The following PRKCH variants were observed in gnomAD, a reference collection of about 807,000 sequenced individuals.
The protein encoded by PRKCH is protein kinase C eta.
PRKCH carries 28 observed loss-of-function variants against 82.5 expected under a neutral mutation model. That is an observed-to-expected ratio of 0.34 (90% CI 0.25 to 0.47). The LOEUF is 0.47. PRKCH is among the 20% of genes least tolerant of loss of function. The pLI, the probability that PRKCH is intolerant of heterozygous loss-of-function variation, is 1.00. For synonymous variants in PRKCH, 322 were observed against 327.4 expected (o/e 0.98, Z 0.18); for missense variants, 705 against 881.8 (o/e 0.80, Z 2.54).
chr14:61,301,582 C>T (rs1251456778), intron 1 of PRKCH, among the ~76,000 whole-genome samples: 1 of 152,208 alleles, frequency 6.6e-6, no homozygotes, highest in African/African-American at 2.4e-5. Flanking sequence ...AGGCTCATGC[C>T]TATAATCCCA....
At chr14:61,245,033 G>A (rs1423979244) in intron 1 of PRKCH, among the ~76,000 whole-genome samples, 1 of 152,188 alleles carries the variant, frequency 6.6e-6, no homozygotes, top group Non-Finnish European at 1.5e-5. Flanking sequence ...CTTAACCCTT[G>A]AAGACTGTTA....
At chr14:61,535,279 C>T (rs1427045820) in intron 12 of PRKCH, among the ~76,000 whole-genome samples, 1 of 151,844 alleles carries the variant, frequency 6.6e-6, no homozygotes, top group Non-Finnish European at 1.5e-5. Context: ...AATTTACAGT[C>T]CAGTTGGGGT....
rs1566893484 is a variant in PRKCH, at chr14:61,457,265, T to C, written c.1050T>C (p.Leu350=). 2 of 1,614,154 alleles carry C rather than the reference T, an allele frequency of 1.2e-6. No homozygotes were observed. The highest frequency in any genetic ancestry group is 8.5e-7 in the Non-Finnish European group (1 of 1,180,022). ...NGIGVNSSNR[L]GIDNFEFIRV... is the part of the protein sequence containing the mutation. ...TTGGGGTTAATTCTTCCAACCGACT[T>C]GGTATCGACAACTTTGAGTTCATCC... Residue 350 remains leucine, a synonymous_variant, in exon 8 of 14, where the codon CTT becomes CTC. Transcript: ENST00000332981.
chr14:61,310,759 C>T (rs1227291218), intron 1 of PRKCH, among the ~76,000 whole-genome samples: 2 of 152,276 alleles, frequency 1.3e-5, no homozygotes, highest in Non-Finnish European at 1.5e-5. Flanking sequence ...TTGCAGTGCC[C>T]TAGCAGAGGT....
intron 1 of PRKCH, among the ~76,000 whole-genome samples, chr14:61,258,813 C>T (rs1035431985): frequency 6.6e-6 from 1 of 152,186 alleles, no homozygotes; most frequent in African/African-American, 2.4e-5. Flanking sequence ...CTCCATGCCA[C>T]TCTGTTATTT....
At chr14:61,387,990 T>C (rs1261612546) in intron 1 of PRKCH, among the ~76,000 whole-genome samples, 1 of 151,846 alleles carries the variant, frequency 6.6e-6, no homozygotes, top group East Asian at 1.9e-4. Context: ...TCTACTAAAA[T>C]TACAAAAATC....
At chr14:61,521,571 T>G (rs1008470715) in intron 10 of PRKCH, among the ~76,000 whole-genome samples, 4 of 148,186 alleles carry the variant, frequency 2.7e-5, no homozygotes, top group African/African-American at 1.0e-4. Context: ...TTTATTTTAT[T>G]AATTTTTTTT....
intron 1 of PRKCH, among the ~76,000 whole-genome samples, chr14:61,204,317 A>G (rs1336746232): frequency 6.6e-6 from 1 of 152,226 alleles, no homozygotes; most frequent in Non-Finnish European, 1.5e-5. Flanking sequence ...GGTAAATTCC[A>G]TTATTTTGCA....
At chr14:61,194,117 A>G (rs1350391659) in intron 1 of PRKCH, among the ~76,000 whole-genome samples, 2 of 151,586 alleles carry the variant, frequency 1.3e-5, no homozygotes, top group Non-Finnish European at 2.9e-5. Flanking sequence ...TCCATTTCCT[A>G]CTCTCTATTT....
rs963371922 is a variant in PRKCH at position 61,430,144 on chromosome 14, A to T, written c.428-12967A>T. Reference sequence around the variant, plus strand: ...ATGAAAAGACAAACAGCCCAATTTTAAAAAAATGAGCAAAAGATTTGAACA... The same window carrying T: ...ATGAAAAGACAAACAGCCCAATTTTTAAAAAATGAGCAAAAGATTTGAACA... On this transcript the variant is annotated intron_variant, in intron 2 of 13. Coordinates refer to ENST00000332981, the MANE Select transcript of PRKCH (RefSeq NM_006255.5). Among the ~76,000 whole-genome samples the T allele has an allele frequency of 7.3e-5, 11 of 151,336 alleles. No individual in the cohort carries two copies. In the South Asian group the frequency reaches 1.5e-3, roughly 20 times the overall value.
intron 1 of PRKCH, among the ~76,000 whole-genome samples, chr14:61,234,444 C>T (rs911912648): frequency 6.6e-6 from 1 of 152,128 alleles, no homozygotes; most frequent in African/African-American, 2.4e-5. Context: ...GTCATCCCCA[C>T]CTCCACCAGA....
At chr14:61,508,277 G>GT (rs893188800) in intron 10 of PRKCH, among the ~76,000 whole-genome samples, 1 of 152,058 alleles carries the variant, frequency 6.6e-6, no homozygotes, top group South Asian at 2.1e-4. Context: ...GCTGGCAAGT[G>GT]TTTTTTTAGC....
chr14:61,458,207 A>G (rs1884866851), intron 9 of PRKCH, among the ~76,000 whole-genome samples: 1 of 152,190 alleles, frequency 6.6e-6, no homozygotes, highest in African/African-American at 2.4e-5. Flanking sequence ...TAAGAATTGA[A>G]TCTGTCTGCC....
intron 1 of PRKCH, among the ~76,000 whole-genome samples, chr14:61,245,196 T>A (rs2044869471): frequency 6.6e-6 from 1 of 152,138 alleles, no homozygotes; most frequent in African/African-American, 2.4e-5. Context: ...TTTAAAAAAA[T>A]AAACTCAAAC....
intron 1 of PRKCH, among the ~76,000 whole-genome samples, chr14:61,358,082 T>C (rs1323183159): frequency 6.6e-6 from 1 of 152,160 alleles, no homozygotes; most frequent in African/African-American, 2.4e-5. Flanking sequence ...GTGGTTAAGA[T>C]TGGGGCTCTG....
intron 10 of PRKCH, among the ~76,000 whole-genome samples, chr14:61,524,296 C>A (rs1369522763): frequency 6.6e-6 from 1 of 152,234 alleles, no homozygotes; most frequent in South Asian, 2.1e-4. Flanking sequence ...TTTTAAGTAA[C>A]CCTGATTACC....
At chr14:61,477,492 A>G (rs1051357324) in intron 9 of PRKCH, among the ~76,000 whole-genome samples, 5 of 152,210 alleles carry the variant, frequency 3.3e-5, no homozygotes, top group East Asian at 1.9e-4. Context: ...AATCTTTGCA[A>G]TCTGGTTCTG....
At position 61,322,341 on chromosome 14, in the gene PRKCH, C is replaced by A. The variant is rs771342155; in HGVS notation, c.240C>A (p.Gly80=). Residue 80 remains glycine (G), a synonymous_variant, in exon 1 of 14, where the codon GGC becomes GGA. Coordinates refer to ENST00000332981, the MANE Select transcript of PRKCH (RefSeq NM_006255.5). ...TTTGCGCTAACGTCACCGACGGCGG[C>A]CACCTCGAGTTGGCCGTCTTCCACG... ...EEFCANVTDG[G]HLELAVFHET... is the part of the protein sequence containing the mutation. The A allele has an allele frequency of 6.2e-7, 1 of 1,613,408 alleles. No individual in the cohort carries two copies. Among genetic ancestry groups the A allele is most frequent in the South Asian group, 1.1e-5 (1 of 91,052 alleles).
chr14:61,498,674 G>A (rs1376712620), intron 10 of PRKCH, among the ~76,000 whole-genome samples: 1 of 152,128 alleles, frequency 6.6e-6, no homozygotes, highest in Non-Finnish European at 1.5e-5. Context: ...CTCATGCGGT[G>A]AGGGGATGGA....
Sources: gnomAD v4.1 joint callset for allele counts (sites outside exome capture counted in the v4.1 genomes callset) on GRCh38, gnomAD v4.1.1 for gene constraint, MANE v1.5 for transcripts, NCBI Gene and HGNC (gene_info 2026-07-23, HGNC 2026-07-21) for gene names.